PPWD1: variants seen among roughly 807,000 people sequenced by gnomAD.
PPWD1 encodes the protein peptidylprolyl isomerase domain and WD repeat-containing protein 1.
Under a neutral mutation model 68.8 loss-of-function variants are expected in PPWD1, and 43 were observed. That is an observed-to-expected ratio of 0.62 (90% confidence interval 0.49 to 0.81). PPWD1 has a LOEUF of 0.81. Among genes scored for constraint, PPWD1 ranks in the 30% least tolerant of loss-of-function variants. PPWD1 has a pLI of 0.00. For missense variants in PPWD1, 672 were observed against 804.8 expected (o/e 0.83, Z 2.00); for synonymous variants, 232 against 258.7 (o/e 0.90, Z 0.99).
intron 5 of PPWD1, among the ~76,000 whole-genome samples, chr5:65,575,346 C>T (rs747634108): frequency 5.4e-4 from 82 of 152,144 alleles, no homozygotes; most frequent in Admixed American, 1.8e-3. Context: ...GAATAAGCAG[C>T]GTAATATGTA....
chr5:65,576,295 T>C, intron 5 of PPWD1: 1 of 983,874 alleles, frequency 1.0e-6, no homozygotes, highest in Non-Finnish European at 1.2e-6. Context: ...AGATGTATTC[T>C]GTAGAGAAAG....
intron 5 of PPWD1, 100 bp downstream of exon 5, chr5:65,572,386 T>C: frequency 2.4e-6 from 3 of 1,229,376 alleles, no homozygotes; most frequent in South Asian, 1.6e-5. Context: ...GACATTTAGA[T>C]AGACTTATTT....
Position 65,571,895 on chromosome 5 carries a change from T to C in PPWD1, c.578T>C (p.Val193Ala), listed in dbSNP as rs1753022114. Residue 193 changes from valine to alanine, a missense_variant, in exon 5 of 11, where the codon GTT becomes GCT. Around this residue, in one of 2 missense-constraint regions of PPWD1, gnomAD observed 484 missense variants for 646.2 expected, o/e 0.75. Coordinates refer to ENST00000261308, the MANE Select transcript of PPWD1 (RefSeq NM_015342.4). ...IYCPGDAISS[V>A]AASEKSTGKI... The stretch of plus-strand genomic sequence containing the variant: ...TGCCCAGGGGATGCAATTTCTTCAG[T>C]TGCTGCTTCCGAAAAGAGTACAGGA... 6.2e-7 allele frequency: 1 copy of C among 1,614,002 alleles called. No individual in the cohort carries two copies. Among genetic ancestry groups the C allele is most frequent in the East Asian group, 2.2e-5 (1 of 44,892 alleles).
chr5:65,568,735 T>C (rs1752880119), intron 2 of PPWD1, among the ~76,000 whole-genome samples: 1 of 152,082 alleles, frequency 6.6e-6, no homozygotes, highest in Non-Finnish European at 1.5e-5. Context: ...TGAAGACAAA[T>C]TTAATTTCAT....
intron 6 of PPWD1, 58 bp downstream of exon 6, chr5:65,577,127 C>T (rs1753334852): frequency 6.5e-6 from 10 of 1,547,858 alleles, no homozygotes; most frequent in Non-Finnish European, 6.1e-6. Flanking sequence ...ACCATTTCCT[C>T]CATCATGGGA....
chr5:65,580,356 C>G (rs1462889364), intron 7 of PPWD1, among the ~76,000 whole-genome samples: 1 of 152,112 alleles, frequency 6.6e-6, no homozygotes, highest in Non-Finnish European at 1.5e-5. Context: ...GTAGCTTTAT[C>G]TTTCTTCATT....
At chr5:65,573,416 C>G (rs190047136) in intron 5 of PPWD1, among the ~76,000 whole-genome samples, 1 of 143,272 alleles carries the variant, frequency 7.0e-6, no homozygotes, top group Non-Finnish European at 1.5e-5. Context: ...TCTCAGCTTC[C>G]CAAGTAGCTG....
intron 9 of PPWD1, 109 bp from the exon 10 acceptor site, chr5:65,585,890 T>C (rs1362416257): frequency 5.5e-6 from 8 of 1,467,754 alleles, no homozygotes; most frequent in Admixed American, 2.4e-5. Context: ...CACTTTATAG[T>C]GACAGTTAAT....
chr5:65,581,511 A>G (rs973692134), intron 7 of PPWD1, among the ~76,000 whole-genome samples: 30 of 152,168 alleles, frequency 2.0e-4, no homozygotes, highest in Non-Finnish European at 3.4e-4. Flanking sequence ...TCTTGAGCCA[A>G]CGAATTCAAG....
At chr5:65,581,142 C>T (rs1314824647) in intron 7 of PPWD1, among the ~76,000 whole-genome samples, 1 of 152,120 alleles carries the variant, frequency 6.6e-6, no homozygotes, top group Non-Finnish European at 1.5e-5. Flanking sequence ...CCCCAACCAA[C>T]CTTCCATCTA....
chr5:65,586,063 G>C lies in PPWD1; in HGVS notation c.1679G>C (p.Gly560Ala), dbSNP rs769177822. ...TGMGGESIWG[G>A]EFEDEFHSTL... ...ATGGGAGGAGAAAGCATATGGGGAG[G>C]AGAATTTGAAGATGAATTTCATTCA... Residue 560 changes from glycine (G) to alanine (A), a missense_variant, in exon 10 of 11, where the codon GGA becomes GCA. Gly to Ala is a moderately conservative substitution (Grantham distance 60). Coordinates refer to ENST00000261308, the MANE Select transcript of PPWD1 (RefSeq NM_015342.4). 6.2e-7 allele frequency: 1 copy of C among 1,613,688 alleles called. No individual in the cohort carries two copies. Among genetic ancestry groups the C allele is most frequent in the Non-Finnish European group, 8.5e-7 (1 of 1,179,674 alleles).
chr5:65,563,997 C>G, intron 1 of PPWD1: 1 of 712,360 alleles, frequency 1.4e-6, no homozygotes, highest in East Asian at 2.7e-5. Context: ...ATTTTCGCAT[C>G]TAGGGAAAAT....
In PPWD1 at chr5:65,587,466, C is replaced by A. The variant is rs769728460; in HGVS notation, c.*70C>A. ...AAACAGATTATTTTACATTAGGAAG[C>A]TTAGGACTTGCTGAATATACAGATC... On this transcript the variant is annotated 3_prime_UTR_variant, in exon 11 of 11. Transcript: ENST00000261308. 22 of 1,227,474 alleles carry A rather than the reference C, an allele frequency of 1.8e-5. No homozygotes were observed. The highest frequency in any genetic ancestry group is 2.3e-5 in the Non-Finnish European group (21 of 904,740). The allele number at this position is 1,227,474 out of a possible 1,614,324, so 76.0% of individuals were successfully genotyped here.
intron 10 of PPWD1, 120 bp downstream of exon 10, chr5:65,586,301 A>T: frequency 1.0e-6 from 1 of 986,170 alleles, no homozygotes; most frequent in Non-Finnish European, 1.4e-6. Context: ...ATCTAGCAGA[A>T]TACAAATATG....
chr5:65,569,741 T>C lies in PPWD1; in HGVS notation c.400+9T>C. 6.2e-7 allele frequency: 1 copy of C among 1,604,138 alleles called. No individual in the cohort carries two copies. Among genetic ancestry groups the C allele is most frequent in the Non-Finnish European group, 8.5e-7 (1 of 1,175,062 alleles). ...TTTTCGTAGTCACCTGGGTAAGAATTGCACCTCATTTTCTTGTAGCTCTTT... is the reference window on the plus strand; with the variant it reads ...TTTTCGTAGTCACCTGGGTAAGAATCGCACCTCATTTTCTTGTAGCTCTTT... On this transcript the variant is annotated intron_variant, in intron 3 of 10. Coordinates refer to ENST00000261308, the MANE Select transcript of PPWD1 (RefSeq NM_015342.4).
At chr5:65,586,244 T>G in intron 10 of PPWD1, 63 bp downstream of exon 10, 1 of 1,451,258 alleles carries the variant, frequency 6.9e-7, no homozygotes, top group Non-Finnish European at 9.3e-7. Flanking sequence ...GAGAGTGAAC[T>G]CAGTAGAAGA....
intron 4 of PPWD1, chr5:65,571,632 T>C: frequency 2.3e-6 from 1 of 439,098 alleles, no homozygotes; most frequent in Non-Finnish European, 3.0e-6. Flanking sequence ...TCCTTAGAAC[T>C]ATCATTATAC....
At chr5:65,575,071 T>G (rs1481629599) in intron 5 of PPWD1, among the ~76,000 whole-genome samples, 2 of 152,190 alleles carry the variant, frequency 1.3e-5, no homozygotes, top group Non-Finnish European at 1.5e-5. Flanking sequence ...TAAATTATCT[T>G]TTAGTATTTA....
Position 65,563,305 on chromosome 5 carries a change from A to G in PPWD1, c.-6A>G. 2.5e-6 allele frequency: 4 copies of G among 1,610,888 alleles called. No homozygotes were observed. Among genetic ancestry groups the G allele is most frequent in the Non-Finnish European group, 2.5e-6 (3 of 1,178,422 alleles). ...GTGTCGCGCCTTTTCTGACGATGCG[A>G]ACAACATGGCGGCGGAAAGTGGTAG... On this transcript the variant is annotated 5_prime_UTR_variant, in exon 1 of 11. Coordinates refer to ENST00000261308, the MANE Select transcript of PPWD1 (RefSeq NM_015342.4).
Sources: gnomAD v4.1 joint callset for allele counts (sites outside exome capture counted in the v4.1 genomes callset) on GRCh38, gnomAD v4.1.1 for gene constraint, gnomAD v4.1.1 regional missense constraint, MANE v1.5 for transcripts, NCBI Gene and HGNC (gene_info 2026-07-23, HGNC 2026-07-21) for gene names.